Variants in WDR59 observed in about 807,000 individuals in gnomAD.
WDR59 encodes the protein WD repeat domain 59, also known as GATOR2 complex protein WDR59.
A neutral mutation model predicts 131.2 loss-of-function variants in WDR59; 100 were observed. The ratio of observed to expected loss-of-function variants is 0.76; its 90% CI spans 0.65 to 0.90. The LOEUF is 0.90. WDR59 is among the 40% of genes least tolerant of loss of function. WDR59 has a pLI of 0.00. For missense variants in WDR59, 1,203 were observed against 1,262.2 expected (o/e 0.95, Z 0.71); for synonymous variants, 601 against 466.2 (o/e 1.29, Z -3.72).
chr16:74,912,138 C>T, intron 14 of WDR59, 60 bp downstream of exon 14: 1 of 1,607,230 alleles, frequency 6.2e-7, no homozygotes, highest in Non-Finnish European at 8.5e-7. Flanking sequence ...TTCTTCTTTA[C>T]TAATCCATCT....
chr16:74,914,718 T>C (rs566176898), intron 13 of WDR59, among the ~76,000 whole-genome samples: 1 of 151,942 alleles, frequency 6.6e-6, no homozygotes, highest in East Asian at 1.9e-4. Context: ...CTCAGCCTCG[T>C]GAATAGCCGG....
chr16:74,924,121 T>C, intron 8 of WDR59, 118 bp from the exon 9 acceptor site: 1 of 976,218 alleles, frequency 1.0e-6, no homozygotes, highest in Non-Finnish European at 1.5e-6. Context: ...TTCAACAACA[T>C]ATTTTTAGTT....
At chr16:74,960,354 T>A (rs2033503599) in intron 2 of WDR59, among the ~76,000 whole-genome samples, 1 of 151,376 alleles carries the variant, frequency 6.6e-6, no homozygotes, top group East Asian at 1.9e-4. Flanking sequence ...AGCTAAAGTT[T>A]AAAACTCCCA....
At chr16:74,950,397 A>G (rs886741297) in intron 4 of WDR59, among the ~76,000 whole-genome samples, 1 of 152,266 alleles carries the variant, frequency 6.6e-6, no homozygotes, top group Non-Finnish European at 1.5e-5. Flanking sequence ...GGAAAAACAC[A>G]TAAAGTAATC....
At chr16:74,898,254 A>G (rs1310552958) in intron 18 of WDR59, among the ~76,000 whole-genome samples, 3 of 152,202 alleles carry the variant, frequency 2.0e-5, no homozygotes, top group African/African-American at 7.2e-5. Flanking sequence ...GAAGGGCGCC[A>G]TGGTCTAAAA....
chr16:74,939,783 G>C (rs2032075229), intron 7 of WDR59, among the ~76,000 whole-genome samples: 1 of 152,110 alleles, frequency 6.6e-6, no homozygotes, highest in African/African-American at 2.4e-5. Flanking sequence ...GAGACCAAAA[G>C]TCAAGACCAG....
chr16:74,905,954 A>G (rs989463919), intron 17 of WDR59, among the ~76,000 whole-genome samples: 3 of 151,988 alleles, frequency 2.0e-5, no homozygotes, highest in African/African-American at 7.2e-5. Flanking sequence ...AAGATACCCA[A>G]ATGGTCAATA....
intron 8 of WDR59, among the ~76,000 whole-genome samples, chr16:74,926,340 G>A (rs1450471912): frequency 1.3e-5 from 2 of 152,162 alleles, no homozygotes; most frequent in African/African-American, 2.4e-5. Context: ...TTATAGGCAT[G>A]AGCCACCGCG....
chr16:74,941,560 G>T (rs149005030), intron 7 of WDR59, among the ~76,000 whole-genome samples: 1 of 151,946 alleles, frequency 6.6e-6, no homozygotes, highest in Admixed American at 6.6e-5. Flanking sequence ...TGGGCGTGGT[G>T]GTGTGCACCT....
intron 11 of WDR59, among the ~76,000 whole-genome samples, chr16:74,917,126 C>T (rs974255027): frequency 3.9e-5 from 6 of 152,140 alleles, no homozygotes; most frequent in African/African-American, 1.4e-4. Flanking sequence ...GAGGACAGAA[C>T]CCTGTGATAA....
chr16:74,913,986 C>G (rs373519710), intron 13 of WDR59, among the ~76,000 whole-genome samples: 1 of 152,156 alleles, frequency 6.6e-6, no homozygotes, highest in African/African-American at 2.4e-5. Flanking sequence ...GTGGGCAGAT[C>G]AACTGACATC....
In WDR59 at chr16:74,871,809, G is replaced by C. The variant is rs185289836; in HGVS notation, c.*2400C>G. 1 of 152,310 alleles carries C rather than the reference G, an allele frequency of 6.6e-6. No individual in the cohort carries two copies. Among genetic ancestry groups the C allele is most frequent in the Admixed American group, 6.5e-5 (1 of 15,278 alleles). 9.4% of individuals were successfully genotyped at this position (152,310 alleles called of 1,614,324 possible). Reference sequence around the variant, plus strand: ...ATTTGTGTATGCAAATTCCCGGCTGGGCCTTCTCCTGTCATCCTCCCAGCG... The same window carrying C: ...ATTTGTGTATGCAAATTCCCGGCTGCGCCTTCTCCTGTCATCCTCCCAGCG... On this transcript the variant is annotated 3_prime_UTR_variant, in exon 26 of 26. Coordinates refer to ENST00000262144, the MANE Select transcript of WDR59 (RefSeq NM_030581.4).
In WDR59 at chr16:74,977,427, G is replaced by A. The variant is rs528848583; in HGVS notation, c.54+7537C>T. 2.6e-5 allele frequency among the ~76,000 whole-genome samples: 4 copies of A among 152,190 alleles called. No individual in the cohort carries two copies. The East Asian group carries it at 5.8e-4, about 22-fold the overall frequency. On this transcript the variant is annotated intron_variant, in intron 1 of 25. Coordinates refer to ENST00000262144, the MANE Select transcript of WDR59 (RefSeq NM_030581.4). ...AATGCAGCCGGGCGCGGTGGCTCGC[G>A]TCTGTAATCCCAGCACTTTGGGAGG... is the stretch of plus-strand genomic sequence containing the variant.
chr16:74,919,171 C>T (rs13335421), intron 10 of WDR59, among the ~76,000 whole-genome samples: 1,986 of 152,240 alleles, frequency 0.013, 42 homozygotes, highest in African/African-American at 0.045. Flanking sequence ...CTTCTCCCTG[C>T]CTTCCAACAG....
At chr16:74,886,445 G>C in intron 23 of WDR59, 49 bp from the exon 24 acceptor site, 11 of 1,600,068 alleles carry the variant, frequency 6.9e-6, no homozygotes, top group Non-Finnish European at 9.4e-6. Flanking sequence ...AGAAGGCATG[G>C]AAAATATCTG....
In WDR59 at chr16:74,887,749, A is replaced by C; in HGVS notation, c.2353T>G (p.Phe785Val). 1 of 1,614,036 alleles carries C rather than the reference A, an allele frequency of 6.2e-7. No homozygotes were observed. The change falls in exon 23 of 26, where the codon TTT (phenylalanine) becomes GTT (valine). Residue 785 changes from phenylalanine (F) to valine (V), a missense_variant. Coordinates refer to ENST00000262144, the MANE Select transcript of WDR59 (RefSeq NM_030581.4). The part of the protein sequence containing the change: ...LVVSHSRYPS[F>V]TSSGSCSSMS... ...CTGGAGCAGGAACCAGAAGAGGTAA[A>C]GCTAGGCTACAGAAGGGAAGAGAAG...
chr16:74,965,719 A>C (rs4888324), intron 2 of WDR59, 54 bp downstream of exon 2: 782,679 of 1,604,426 alleles, frequency 0.49, 197,567 homozygotes, highest in East Asian at 0.78. Context: ...AGAAACCCCG[A>C]TTTGCAAATC....
intron 17 of WDR59, 85 bp from the exon 18 acceptor site, chr16:74,904,185 A>G (rs9930498): frequency 0.36 from 545,622 of 1,498,300 alleles, 102,645 homozygotes; most frequent in African/African-American, 0.61. Flanking sequence ...TTGATACCAA[A>G]AGGAGAAGAC....
rs553271604 is a variant in WDR59 at position 74,888,309 on chromosome 16, A to G, written c.2206T>C (p.Tyr736His). ...GTCTGAACATCCCGGAGCCGGCAAT[A>G]GTGAGCCAACCTGAGGAAAAGATAA... ...RQLLESLLAH[Y>H]CRLRDVQTLA... is the part of the protein sequence containing the mutation. Residue 736 changes from tyrosine to histidine, a missense_variant, in exon 22 of 26, where the codon TAT becomes CAT. Tyr to His is a moderately conservative substitution (Grantham distance 83). Transcript: ENST00000262144. 1 of 1,612,790 alleles carries G rather than the reference A, an allele frequency of 6.2e-7. No individual in the cohort carries two copies. Among genetic ancestry groups the G allele is most frequent in the South Asian group, 1.1e-5 (1 of 90,824 alleles).
Sources: allele counts gnomAD v4.1 joint callset (sites outside exome capture counted in the v4.1 genomes callset), GRCh38; gene constraint gnomAD v4.1.1; transcripts MANE v1.5; gene names NCBI Gene and HGNC (gene_info 2026-07-23, HGNC 2026-07-21).